Variants in TMEM132B observed in about 807,000 individuals in gnomAD.
TMEM132B encodes the protein transmembrane protein 132B.
Under a neutral mutation model 90.8 loss-of-function variants are expected in TMEM132B, and 18 were observed. The ratio of observed to expected loss-of-function variants is 0.20; its 90% confidence interval spans 0.14 to 0.29. TMEM132B has a LOEUF of 0.29. TMEM132B is among the 10% of genes least tolerant of loss of function. TMEM132B has a pLI of 1.00. For missense variants in TMEM132B, 1,096 were observed against 1,326.8 expected, an observed-to-expected ratio of 0.83 and a Z score of 2.70; for synonymous variants, 504 against 523.3, an observed-to-expected ratio of 0.96 and a Z score of 0.50.
intron 3 of TMEM132B, among the ~76,000 whole-genome samples, chr12:125,453,820 C>G (rs779743850): frequency 1.7e-4 from 26 of 152,150 alleles, no homozygotes; most frequent in Admixed American, 4.6e-4. Context: ...ATGCCTGTCA[C>G]CAAACCCCAG....
At chr12:125,607,372 G>C (rs1191090874) in intron 5 of TMEM132B, among the ~76,000 whole-genome samples, 1 of 152,198 alleles carries the variant, frequency 6.6e-6, no homozygotes, top group East Asian at 1.9e-4. Context: ...ACAGAAAATG[G>C]AACGAGGTAT....
rs1441253293 is a variant in TMEM132B, at chr12:125,445,547, CT to C, written c.1106+29876del. 6.6e-6 allele frequency among the ~76,000 whole-genome samples: 1 copy of C among 152,200 alleles called. No homozygotes were observed. Among genetic ancestry groups the C allele is most frequent in the East Asian group, 1.9e-4 (1 of 5,192 alleles). Reference sequence around the variant, plus strand: ...AGGGATCTGCATCTGGAGTGCTGCTCTTTTTTCTTCTTTTTCCTGCTGACAT... The same window carrying C: ...AGGGATCTGCATCTGGAGTGCTGCTCTTTTTCTTCTTTTTCCTGCTGACAT... On this transcript the variant is annotated intron_variant, in intron 3 of 8. Transcript: ENST00000682704. This position sits in a 1 kb window ranked among gnomAD's most constrained non-coding sequence, Gnocchi z 4.3.
intron 4 of TMEM132B, among the ~76,000 whole-genome samples, chr12:125,535,114 A>G (rs186176053): frequency 1.5e-4 from 23 of 152,350 alleles, no homozygotes; most frequent in Admixed American, 1.2e-3. Flanking sequence ...ACCAAGTTTT[A>G]TCACATTTAT....
Position 125,479,690 on chromosome 12 carries a change from T to A in TMEM132B, c.1107-39749T>A, listed in dbSNP as rs554325213. On this transcript the variant is annotated intron_variant, in intron 3 of 8. Coordinates refer to ENST00000682704, the MANE Select transcript of TMEM132B (RefSeq NM_001366854.1). The stretch of plus-strand genomic sequence containing the variant: ...AGACTTTAACACCCCACTGTCAATA[T>A]TAGATTAACGAGATAGAAGGTTAAC... Among the ~76,000 whole-genome samples the A allele has an allele frequency of 5.9e-5, 9 of 151,832 alleles. No homozygotes were observed. In the South Asian group the frequency reaches 1.9e-3, roughly 32 times the overall value.
intron 4 of TMEM132B, among the ~76,000 whole-genome samples, chr12:125,534,569 C>A (rs1022586942): frequency 6.6e-6 from 1 of 152,064 alleles, no homozygotes; most frequent in African/African-American, 2.4e-5. Flanking sequence ...ACAATAGCAA[C>A]AACAAAACAG....
intron 3 of TMEM132B, among the ~76,000 whole-genome samples, chr12:125,452,307 G>T (rs1204067678): frequency 6.6e-6 from 1 of 151,212 alleles, no homozygotes; most frequent in Non-Finnish European, 1.5e-5. Context: ...GAAAGCAAAA[G>T]TCTCCCAACT....
intron 2 of TMEM132B, among the ~76,000 whole-genome samples, chr12:125,371,358 T>C (rs1022197959): frequency 6.6e-6 from 1 of 152,136 alleles, no homozygotes; most frequent in Non-Finnish European, 1.5e-5. Flanking sequence ...TTAATATTAA[T>C]CATCACAGCT....
intron 5 of TMEM132B, among the ~76,000 whole-genome samples, chr12:125,591,419 C>G (rs1451858258): frequency 2.0e-5 from 3 of 152,146 alleles, no homozygotes; most frequent in Admixed American, 2.0e-4. Context: ...ATGGCTAATT[C>G]CATCATCACA....
chr12:125,519,952 T>C (rs1024449323), intron 4 of TMEM132B, among the ~76,000 whole-genome samples: 2 of 152,228 alleles, frequency 1.3e-5, no homozygotes, highest in Non-Finnish European at 2.9e-5. Context: ...GGGTTACACG[T>C]TGGGAACAGT....
intron 5 of TMEM132B, among the ~76,000 whole-genome samples, chr12:125,632,436 T>C (rs1237786761): frequency 6.6e-6 from 1 of 152,126 alleles, no homozygotes; most frequent in Admixed American, 6.5e-5. Context: ...ATCCCACTTA[T>C]AGTGTTATAA....
Position 125,660,303 on chromosome 12 carries a change from C to G in TMEM132B, c.*5593C>G, listed in dbSNP as rs542219084. On this transcript the variant is annotated 3_prime_UTR_variant, in exon 9 of 9. Coordinates refer to ENST00000682704, the MANE Select transcript of TMEM132B (RefSeq NM_001366854.1). ...AGAACTTAACCAGTTCTCCCCAGAT[C>G]TCAGCGTGCATGCATATATAGAGTT... is the stretch of plus-strand genomic sequence containing the variant. 1 of 152,212 alleles carries G rather than the reference C, an allele frequency of 6.6e-6. No homozygotes were observed. The highest frequency in any genetic ancestry group is 1.9e-4 in the East Asian group (1 of 5,176). The allele number at this position is 152,212 out of a possible 1,614,324, so 9.4% of individuals were successfully genotyped here. A position where few individuals can be genotyped will look rare whatever the true frequency, so the allele number is the denominator to read the frequency against.
intron 2 of TMEM132B, among the ~76,000 whole-genome samples, chr12:125,388,280 G>A (rs564091199): frequency 1.4e-4 from 22 of 152,098 alleles, no homozygotes; most frequent in South Asian, 6.2e-4. Context: ...ATACACAAAA[G>A]TAGCTGGGCG....
intron 3 of TMEM132B, among the ~76,000 whole-genome samples, chr12:125,509,976 G>A (rs965952072): frequency 1.2e-4 from 19 of 152,152 alleles, no homozygotes; most frequent in East Asian, 3.9e-4. Flanking sequence ...TGTAACAAGC[G>A]TTTTCCTCCA....
intron 5 of TMEM132B, among the ~76,000 whole-genome samples, chr12:125,609,757 C>G (rs1414719496): frequency 7.8e-6 from 1 of 127,590 alleles, no homozygotes; most frequent in Admixed American, 1.0e-4. Context: ...GCGGAGGTTG[C>G]AGTGAGCCGA....
intron 6 of TMEM132B, among the ~76,000 whole-genome samples, chr12:125,649,838 T>C (rs1426387438): frequency 2.0e-5 from 3 of 151,996 alleles, no homozygotes; most frequent in Admixed American, 2.0e-4. Flanking sequence ...TCAGGGTGGA[T>C]TGTGGACAGG....
At chr12:125,294,841 G>A (rs1875626827) in intron 1 of TMEM132B, among the ~76,000 whole-genome samples, 1 of 151,812 alleles carries the variant, frequency 6.6e-6, no homozygotes, top group South Asian at 2.1e-4. Context: ...ATAAATAATT[G>A]TATAAAGAAT....
At chr12:125,307,877 T>TA (rs566783708) in intron 1 of TMEM132B, among the ~76,000 whole-genome samples, 3 of 60,254 alleles carry the variant, frequency 5.0e-5, no homozygotes, top group Admixed American at 2.3e-4. Flanking sequence ...CTTATATTAC[T>TA]TATATACTTA....
intron 3 of TMEM132B, among the ~76,000 whole-genome samples, chr12:125,474,289 T>C (rs1289812993): frequency 1.7e-4 from 21 of 123,246 alleles, no homozygotes; most frequent in African/African-American, 6.2e-4. Flanking sequence ...CCCCTCCCCT[T>C]CCCTTCCCTC....
At chr12:125,575,566 A>G (rs113655536) in intron 4 of TMEM132B, among the ~76,000 whole-genome samples, 3 of 151,990 alleles carry the variant, frequency 2.0e-5, no homozygotes, top group African/African-American at 4.8e-5. Flanking sequence ...TTTAATTTCT[A>G]TAAAGTACAA....
Sources: gnomAD v4.1 joint callset for allele counts (sites outside exome capture counted in the v4.1 genomes callset) on GRCh38, gnomAD v4.1.1 for gene constraint, Gnocchi (gnomAD v3.1) non-coding constraint, MANE v1.5 for transcripts, NCBI Gene and HGNC (gene_info 2026-07-23, HGNC 2026-07-21) for gene names.